The following GNG12 variants were observed in gnomAD, a reference collection of about 807,000 sequenced individuals.
GNG12 encodes guanine nucleotide-binding protein G(I)/G(S)/G(O) subunit gamma-12.
For synonymous variants in GNG12, 28 were observed against 29.7 expected, an observed-to-expected ratio of 0.94 and a Z score of 0.19; for missense variants, 69 against 83.8, an observed-to-expected ratio of 0.82 and a Z score of 0.69.
At position 67,769,853 on chromosome 1, in the gene GNG12, C is replaced by T. The variant is rs79514264; in HGVS notation, c.-27+7605G>A. On this transcript the variant is annotated intron_variant, in intron 2 of 3. Coordinates refer to ENST00000370982, the MANE Select transcript of GNG12 (RefSeq NM_018841.6). ...TCACACTCACTCTCACTCTCTCTCT[C>T]TCCTGAGATCCCATTAGAGAGAAAG... 3.2e-4 allele frequency among the ~76,000 whole-genome samples: 49 copies of T among 152,254 alleles called. No homozygotes were observed. The East Asian group carries it at 7.2e-3, about 22-fold the overall frequency.
At chr1:67,711,026 C>CT (rs1423095342) in intron 2 of GNG12, among the ~76,000 whole-genome samples, 4 of 152,198 alleles carry the variant, frequency 2.6e-5, no homozygotes, top group Non-Finnish European at 5.9e-5. Context: ...TCTGCTACCC[C>CT]TCTCAGGCTC....
chr1:67,736,449 G>A (rs972124608), intron 2 of GNG12, among the ~76,000 whole-genome samples: 12 of 152,148 alleles, frequency 7.9e-5, no homozygotes, highest in African/African-American at 2.7e-4. Flanking sequence ...GTGGGCCAGG[G>A]CAGCTCTAAA....
At chr1:67,736,049 G>C (rs1382913054) in intron 2 of GNG12, among the ~76,000 whole-genome samples, 2 of 152,078 alleles carry the variant, frequency 1.3e-5, no homozygotes, top group Non-Finnish European at 2.9e-5. Context: ...TTTCTTGCGG[G>C]GGGTAGATTC....
chr1:67,783,450 T>A (rs942318799), intron 1 of GNG12, among the ~76,000 whole-genome samples: 1 of 152,158 alleles, frequency 6.6e-6, no homozygotes, highest in Non-Finnish European at 1.5e-5. Context: ...GTTCCTGAGA[T>A]CTTCATATTT....
chr1:67,814,826 C>T (rs576021720), intron 1 of GNG12, among the ~76,000 whole-genome samples: 3 of 152,306 alleles, frequency 2.0e-5, no homozygotes, highest in South Asian at 4.1e-4. Flanking sequence ...GGCTCTGCAG[C>T]CTTGTACAAG....
At chr1:67,713,492 G>T (rs1646308000) in intron 2 of GNG12, among the ~76,000 whole-genome samples, 1 of 152,182 alleles carries the variant, frequency 6.6e-6, no homozygotes, top group African/African-American at 2.4e-5. Context: ...GGAGAGCAGG[G>T]TGGGGATGGA....
rs896769198 is a variant in GNG12, at chr1:67,703,917, G to C, written c.*1534C>G. The C allele has an allele frequency of 1.3e-5, 2 of 152,228 alleles. No homozygotes were observed. Among genetic ancestry groups the C allele is most frequent in the Non-Finnish European group, 2.9e-5 (2 of 68,040 alleles). The allele number at this position is 152,228 out of a possible 1,614,324, so 9.4% of individuals were successfully genotyped here. A position where few individuals can be genotyped will look rare whatever the true frequency, so the allele number is the denominator to read the frequency against. On this transcript the variant is annotated 3_prime_UTR_variant, in exon 4 of 4. Coordinates refer to ENST00000370982, the MANE Select transcript of GNG12 (RefSeq NM_018841.6). ...TCGTTGTAAATAATTACTTCCTGGGGTTGATTCCTTTTTGAGGGGAAGTTT... is the reference window on the plus strand; with the variant it reads ...TCGTTGTAAATAATTACTTCCTGGGCTTGATTCCTTTTTGAGGGGAAGTTT...
intron 1 of GNG12, among the ~76,000 whole-genome samples, chr1:67,805,705 A>G (rs1340714584): frequency 6.6e-6 from 1 of 152,136 alleles, no homozygotes; most frequent in Admixed American, 6.5e-5. Flanking sequence ...GAATGCTAGA[A>G]AAATAAGGAC....
At chr1:67,799,301 C>G (rs1276622916) in intron 1 of GNG12, among the ~76,000 whole-genome samples, 2 of 152,154 alleles carry the variant, frequency 1.3e-5, no homozygotes, top group East Asian at 3.8e-4. Context: ...GAAACTGGGC[C>G]TTTTAAGAAG....
intron 1 of GNG12, among the ~76,000 whole-genome samples, chr1:67,820,342 A>G (rs1337138033): frequency 1.3e-5 from 2 of 151,654 alleles, no homozygotes; most frequent in Non-Finnish European, 2.9e-5. Context: ...AGATTGTGCC[A>G]TTATACTCCA....
chr1:67,782,995 G>A (rs1018210608), intron 1 of GNG12, among the ~76,000 whole-genome samples: 2 of 152,128 alleles, frequency 1.3e-5, no homozygotes, highest in South Asian at 4.1e-4. Context: ...CTAATGAGAT[G>A]CAAGTCCTTG....
chr1:67,707,566 C>A (rs1553153784), intron 3 of GNG12, 28 bp downstream of exon 3: 1 of 1,148,860 alleles, frequency 8.7e-7, no homozygotes, highest in South Asian at 1.3e-5. Context: ...GAGCAGAAAG[C>A]ATATGTTATC....
chr1:67,824,462 A>AT (rs1418082355), intron 1 of GNG12, among the ~76,000 whole-genome samples: 4 of 134,836 alleles, frequency 3.0e-5, no homozygotes, highest in Admixed American at 8.9e-5. Context: ...GTGAGCCATG[A>AT]TTGTGCCACT....
chr1:67,796,707 T>C (rs935405893), intron 1 of GNG12, among the ~76,000 whole-genome samples: 1 of 152,218 alleles, frequency 6.6e-6, no homozygotes, highest in Non-Finnish European at 1.5e-5. Flanking sequence ...AATTACTTAA[T>C]GGCCAATATT....
intron 2 of GNG12, among the ~76,000 whole-genome samples, chr1:67,713,801 A>G (rs1264579269): frequency 6.6e-6 from 1 of 152,200 alleles, no homozygotes; most frequent in Non-Finnish European, 1.5e-5. Context: ...CAGGGGAGAA[A>G]CAGAAGCACC....
intron 1 of GNG12, among the ~76,000 whole-genome samples, chr1:67,812,214 T>A (rs1646930051): frequency 6.6e-6 from 1 of 152,110 alleles, no homozygotes; most frequent in Admixed American, 6.5e-5. Context: ...GCAATGAGGA[T>A]CTGCTGCAGC....
chr1:67,816,351 A>C (rs993684326), intron 1 of GNG12, among the ~76,000 whole-genome samples: 2 of 152,046 alleles, frequency 1.3e-5, no homozygotes, highest in Non-Finnish European at 2.9e-5. Flanking sequence ...GGTGGAAGGG[A>C]AATGTATTGG....
chr1:67,765,616 C>A (rs1392466844), intron 2 of GNG12, among the ~76,000 whole-genome samples: 1 of 152,204 alleles, frequency 6.6e-6, no homozygotes, highest in African/African-American at 2.4e-5. Context: ...AACCCTTATT[C>A]TTCTGCCTGT....
At chr1:67,744,851 C>A (rs927724981) in intron 2 of GNG12, among the ~76,000 whole-genome samples, 8 of 152,198 alleles carry the variant, frequency 5.3e-5, no homozygotes, top group Non-Finnish European at 1.2e-4. Context: ...CCCAGCACAT[C>A]TCCTAAGAGA....
Sources: gnomAD v4.1 joint callset for allele counts (sites outside exome capture counted in the v4.1 genomes callset) on GRCh38, gnomAD v4.1.1 for gene constraint, MANE v1.5 for transcripts, NCBI Gene and HGNC (gene_info 2026-07-23, HGNC 2026-07-21) for gene names.